SLC17A6: variants seen among roughly 807,000 people sequenced by gnomAD.
SLC17A6 encodes solute carrier family 17 member 6, also known as vesicular glutamate transporter 2.
In SLC17A6, 35 loss-of-function variants were observed where a neutral mutation model predicts 67.1. The ratio of observed to expected loss-of-function variants is 0.52; its 90% CI spans 0.40 to 0.69. The LOEUF (loss-of-function observed/expected upper bound fraction) is 0.69, where lower values mean the gene tolerates loss of function less well. Among genes scored for constraint, SLC17A6 ranks in the 30% least tolerant of loss-of-function variants. SLC17A6 has a pLI of 0.00. For missense variants in SLC17A6, 588 were observed against 723.9 expected, an observed-to-expected ratio of 0.81 and a Z score of 2.15; for synonymous variants, 285 against 252.3, an observed-to-expected ratio of 1.13 and a Z score of -1.23.
intron 2 of SLC17A6, among the ~76,000 whole-genome samples, 174 bp downstream of exon 2, chr11:22,341,954 T>C (rs1256201858): frequency 6.6e-6 from 1 of 152,176 alleles, no homozygotes; most frequent in African/African-American, 2.4e-5. Context: ...ATCAGTTCCC[T>C]TTTCGCTCTG....
At chr11:22,368,673 T>G (rs1429835266) in intron 7 of SLC17A6, among the ~76,000 whole-genome samples, 16 of 152,082 alleles carry the variant, frequency 1.1e-4, no homozygotes, top group Non-Finnish European at 2.4e-4. Flanking sequence ...CTGGAGTCAT[T>G]TCTTATGCTA....
intron 11 of SLC17A6, 106 bp downstream of exon 11, chr11:22,376,778 C>T (rs1306659513): frequency 1.8e-6 from 2 of 1,137,504 alleles, no homozygotes; most frequent in Non-Finnish European, 1.3e-6. Context: ...CTTTCTTGTC[C>T]AGTCACCACA....
chr11:22,340,487 GA>G (rs1445649706), intron 1 of SLC17A6, among the ~76,000 whole-genome samples: 1 of 152,138 alleles, frequency 6.6e-6, no homozygotes, highest in Admixed American at 6.5e-5. Flanking sequence ...ATTGATGGTT[GA>G]AATCTTATGA....
At chr11:22,349,502 T>A (rs1266771043) in intron 3 of SLC17A6, among the ~76,000 whole-genome samples, 1 of 151,880 alleles carries the variant, frequency 6.6e-6, no homozygotes, top group Non-Finnish European at 1.5e-5. Context: ...CCGATAAGAG[T>A]TTCTCTAGCT....
intron 8 of SLC17A6, among the ~76,000 whole-genome samples, chr11:22,371,452 C>T (rs929826626): frequency 2.0e-5 from 3 of 151,956 alleles, no homozygotes; most frequent in Non-Finnish European, 2.9e-5. Flanking sequence ...TTAGACAGAG[C>T]TCTTCTCTCT....
rs376398136 is a variant in SLC17A6 at position 22,343,238 on chromosome 11, C to G, written c.340-9C>G. 10 of 1,609,940 alleles carry G rather than the reference C, an allele frequency of 6.2e-6. No individual in the cohort carries two copies. In the African/African-American group the frequency reaches 9.4e-5, roughly 15 times the overall value. ...TTTCCCTTCACACTTTTTTCCTACCCCTCCATAGAAAGCCAAATTCAACTG... is the reference window on the plus strand; with the variant it reads ...TTTCCCTTCACACTTTTTTCCTACCGCTCCATAGAAAGCCAAATTCAACTG... On this transcript the variant is annotated splice_polypyrimidine_tract_variant and intron_variant, in intron 2 of 11. Transcript: ENST00000263160.
intron 7 of SLC17A6, among the ~76,000 whole-genome samples, chr11:22,367,728 A>C (rs2133874347): frequency 6.6e-6 from 1 of 152,314 alleles, no homozygotes; most frequent in South Asian, 2.1e-4. Flanking sequence ...ATTCTGCCTA[A>C]GTAAAAACTA....
intron 10 of SLC17A6, 31 bp downstream of exon 10, chr11:22,376,123 G>A: frequency 2.0e-6 from 3 of 1,497,408 alleles, no homozygotes; most frequent in South Asian, 1.2e-5. Context: ...TTTGTACTTG[G>A]GACATTCTGA....
chr11:22,376,777 C>T (rs1856237186), intron 11 of SLC17A6, 105 bp downstream of exon 11: 2 of 1,154,752 alleles, frequency 1.7e-6, no homozygotes, highest in Non-Finnish European at 2.5e-6. Context: ...TCTTTCTTGT[C>T]CAGTCACCAC....
At chr11:22,344,278 T>G (rs1855851784) in intron 3 of SLC17A6, among the ~76,000 whole-genome samples, 1 of 152,188 alleles carries the variant, frequency 6.6e-6, no homozygotes, top group African/African-American at 2.4e-5. Context: ...TTCCTCTTCC[T>G]ACACCCAAAA....
intron 6 of SLC17A6, among the ~76,000 whole-genome samples, chr11:22,363,723 T>C (rs544238338): frequency 1.3e-5 from 2 of 152,280 alleles, no homozygotes; most frequent in East Asian, 3.9e-4. Flanking sequence ...AAGCCATGGA[T>C]GGGTTTTTGG....
At chr11:22,367,005 G>GAA (rs376547104) in intron 7 of SLC17A6, among the ~76,000 whole-genome samples, 23,374 of 78,506 alleles carry the variant, frequency 0.3, 4,151 homozygotes, top group Non-Finnish European at 0.39. Flanking sequence ...ACTCCGTCTC[G>GAA]AAAAAAAAAA....
rs181422223 is a variant in SLC17A6 at position 22,370,023 on chromosome 11, C to T, written c.892-16C>T. 4.0e-4 allele frequency: 639 copies of T among 1,602,428 alleles called. 5 individuals carry two copies. In the African/African-American group the frequency reaches 6.0e-3, roughly 15 times the overall value. On this transcript the variant is annotated splice_polypyrimidine_tract_variant and intron_variant, in intron 7 of 11. Transcript: ENST00000263160. ...TATTTAAAATGGTCATAATGTCTCTCTTTTTGGAATTTCAGAAATTCAAGA... is the reference window on the plus strand; with the variant it reads ...TATTTAAAATGGTCATAATGTCTCTTTTTTTGGAATTTCAGAAATTCAAGA...
intron 3 of SLC17A6, among the ~76,000 whole-genome samples, chr11:22,346,007 T>C (rs1855871649): frequency 6.6e-6 from 1 of 152,218 alleles, no homozygotes; most frequent in African/African-American, 2.4e-5. Context: ...TGATCTCTTT[T>C]TCAAAAACAG....
chr11:22,339,937 T>G (rs1855795311), intron 1 of SLC17A6, among the ~76,000 whole-genome samples: 1 of 152,188 alleles, frequency 6.6e-6, no homozygotes, highest in Non-Finnish European at 1.5e-5. Context: ...GGCTGAATTT[T>G]TTTCTCCCAG....
intron 8 of SLC17A6, 108 bp from the exon 9 acceptor site, chr11:22,374,647 C>T (rs1856212520): frequency 1.1e-6 from 1 of 874,740 alleles, no homozygotes; most frequent in Non-Finnish European, 1.7e-6. Flanking sequence ...ATTATTTTTC[C>T]TTCCTTTGTC....
At chr11:22,374,616 A>G in intron 8 of SLC17A6, 139 bp from the exon 9 acceptor site, 1 of 662,892 alleles carries the variant, frequency 1.5e-6, no homozygotes, top group Non-Finnish European at 2.4e-6. Context: ...TCTAGGAATG[A>G]GTAAGTGATC....
intron 6 of SLC17A6, among the ~76,000 whole-genome samples, chr11:22,363,254 G>A (rs539059898): frequency 6.6e-5 from 10 of 151,608 alleles, no homozygotes; most frequent in Non-Finnish European, 1.5e-4. Flanking sequence ...AGCTGAAAGG[G>A]GGTGGTGGTG....
intron 3 of SLC17A6, among the ~76,000 whole-genome samples, chr11:22,353,791 C>T (rs928646044): frequency 6.6e-6 from 1 of 152,164 alleles, no homozygotes; most frequent in African/African-American, 2.4e-5. Context: ...CCACTATGTC[C>T]AACTTTGTCT....
Sources: allele counts gnomAD v4.1 joint callset (sites outside exome capture counted in the v4.1 genomes callset), GRCh38; gene constraint gnomAD v4.1.1; transcripts MANE v1.5; gene names NCBI Gene and HGNC (gene_info 2026-07-23, HGNC 2026-07-21).